Variants in FASTKD1 observed in about 807,000 individuals in gnomAD.
The protein encoded by FASTKD1 is FAST kinase domain-containing protein 1, mitochondrial.
In FASTKD1, 94 loss-of-function variants were observed where a neutral mutation model predicts 90.9. The ratio of observed to expected loss-of-function variants is 1.03; its 90% CI spans 0.88 to 1.23. The LOEUF is 1.23. Among genes scored for constraint, FASTKD1 ranks in the 50% most tolerant of loss-of-function variants. The pLI is 0.00. For missense variants in FASTKD1, 945 were observed against 993.5 expected, an observed-to-expected ratio of 0.95 and a Z score of 0.66; for synonymous variants, 319 against 345.8, an observed-to-expected ratio of 0.92 and a Z score of 0.86.
chr2:169,542,680 C>T (rs79371451), intron 9 of FASTKD1, among the ~76,000 whole-genome samples: 11,404 of 152,174 alleles, frequency 0.075, 553 homozygotes, highest in South Asian at 0.21. Flanking sequence ...GCCTGGGCAA[C>T]GTAGCAAGAC....
In FASTKD1 at chr2:169,539,603, TA is replaced by T. The variant is rs199506522; in HGVS notation, c.1945+447del. ...GGCAATACAGTGAGATCCCAGCTCT[TA>T]AAAAAAAAAAATTAGCTGGGCATGG... On this transcript the variant is annotated intron_variant, in intron 10 of 14. Coordinates refer to ENST00000453153, the MANE Select transcript of FASTKD1 (RefSeq NM_024622.6). 1.5e-3 allele frequency among the ~76,000 whole-genome samples: 215 copies of T among 146,314 alleles called. 2 individuals are homozygous for T. The highest frequency in any genetic ancestry group is 1.5e-3 in the South Asian group (7 of 4,636).
At chr2:169,554,168 G>A (rs1254909388) in intron 7 of FASTKD1, among the ~76,000 whole-genome samples, 2 of 149,884 alleles carry the variant, frequency 1.3e-5, no homozygotes, top group Non-Finnish European at 3.0e-5. Flanking sequence ...TGAGGCGGGA[G>A]GATCACTTCA....
chr2:169,557,201 T>C lies in FASTKD1; in HGVS notation c.1068A>G (p.Ser356=). 6.2e-7 allele frequency: 1 copy of C among 1,607,526 alleles called. No individual in the cohort carries two copies. The highest frequency in any genetic ancestry group is 8.5e-7 in the Non-Finnish European group (1 of 1,174,432). ...GAMGDMESRN[S]CLIKRVTSVL... ...AGAAAAGATACCTTTTAATCAGACATGAGTTTCTGCTTTCCATATCTCCCA... is the reference window on the plus strand; with the variant it reads ...AGAAAAGATACCTTTTAATCAGACACGAGTTTCTGCTTTCCATATCTCCCA... Residue 356 remains serine, a synonymous_variant, in exon 6 of 15, where the codon TCA becomes TCG. Transcript: ENST00000453153.
intron 7 of FASTKD1, among the ~76,000 whole-genome samples, chr2:169,547,481 A>G (rs1482020444): frequency 6.6e-6 from 1 of 152,214 alleles, no homozygotes; most frequent in African/African-American, 2.4e-5. Context: ...CCAGAGGCCT[A>G]ACATACCCAA....
chr2:169,549,088 C>T (rs1400367270), intron 7 of FASTKD1, among the ~76,000 whole-genome samples: 2 of 149,488 alleles, frequency 1.3e-5, no homozygotes, highest in Admixed American at 6.7e-5. Flanking sequence ...CAGAGCGAGA[C>T]TCCATCTCAA....
At chr2:169,557,892 C>T (rs1448248450) in intron 5 of FASTKD1, among the ~76,000 whole-genome samples, 3 of 152,156 alleles carry the variant, frequency 2.0e-5, no homozygotes, top group South Asian at 2.1e-4. Flanking sequence ...AAAGCAAGCT[C>T]GAAACGTGAC....
At chr2:169,560,307 C>T (rs1026439085) in intron 5 of FASTKD1, 80 bp downstream of exon 5, 4 of 1,129,048 alleles carry the variant, frequency 3.5e-6, no homozygotes, top group Non-Finnish European at 3.8e-6. Flanking sequence ...TTTGTACCTT[C>T]CAGAGCTGCA....
At position 169,546,448 on chromosome 2, in the gene FASTKD1, GTC is replaced by G; in HGVS notation, c.1469_1470del (p.Arg490ThrfsTer15). ...AGATCCAAACTGTTGCTGTGTTGTA[GTC>G]TCTGACGACCATAGTGATCTAATTT... is the stretch of plus-strand genomic sequence containing the variant. ...LQKLDHYGRQ[R>X]LQHSNSLDLL... On this transcript the variant is annotated frameshift_variant, in exon 8 of 15. Transcript: ENST00000453153. LOFTEE classifies it high-confidence loss of function. 2 of 1,614,178 alleles carry G rather than the reference GTC, an allele frequency of 1.2e-6. No individual in the cohort carries two copies. Among genetic ancestry groups the G allele is most frequent in the Non-Finnish European group, 1.7e-6 (2 of 1,180,032 alleles).
intron 7 of FASTKD1, among the ~76,000 whole-genome samples, chr2:169,548,889 T>C (rs1246188044): frequency 6.7e-6 from 1 of 149,640 alleles, no homozygotes; most frequent in Non-Finnish European, 1.5e-5. Flanking sequence ...GGTCAGGAGA[T>C]CGAGACCATT....
chr2:169,538,010 A>G lies in FASTKD1; in HGVS notation c.2074+3T>C. 6.3e-7 allele frequency: 1 copy of G among 1,588,512 alleles called. No individual in the cohort carries two copies. The highest frequency in any genetic ancestry group is 1.4e-5 in the African/African-American group (1 of 73,216). ...TGCTATCTGACTAAAAGAAAACTCAAACCTTTATTATATTGTTGACAGAAG... is the reference window on the plus strand; with the variant it reads ...TGCTATCTGACTAAAAGAAAACTCAGACCTTTATTATATTGTTGACAGAAG... On this transcript the variant is annotated splice_donor_region_variant and intron_variant, in intron 11 of 14. Transcript: ENST00000453153.
In FASTKD1 at chr2:169,560,604, A is replaced by T. The variant is rs1251782308; in HGVS notation, c.754T>A (p.Cys252Ser). ...RYRYQPLLER[C>S]NNVFLSNVDH... ...ACATTACTTAAAAATACGTTATTACATCTTTCTAATAGTGGTTGATAACGA... is the reference window on the plus strand; with the variant it reads ...ACATTACTTAAAAATACGTTATTACTTCTTTCTAATAGTGGTTGATAACGA... Residue 252 changes from cysteine (C) to serine (S), a missense_variant, in exon 5 of 15, where the codon TGT becomes AGT. Transcript: ENST00000453153. 11 of 1,610,196 alleles carry T rather than the reference A, an allele frequency of 6.8e-6. No homozygotes were observed. The highest frequency in any genetic ancestry group is 9.3e-6 in the Non-Finnish European group (11 of 1,178,672).
chr2:169,561,748 A>AAATTATTTATTAATTTATTG lies in FASTKD1; in HGVS notation c.573-964_573-963insCAATAAATTAATAAATAATT, dbSNP rs1683622238. On this transcript the variant is annotated intron_variant, in intron 4 of 14. Transcript: ENST00000453153. ...ATCTATTATAAATTAATTATTCATT[A>AAATTATTTATTAATTTATTG]TAAATTATTTATTAATTTATTGTAA... Among the ~76,000 whole-genome samples the AAATTATTTATTAATTTATTG allele has an allele frequency of 2.2e-3, 166 of 74,302 alleles. 6 individuals carry two copies. Among genetic ancestry groups the AAATTATTTATTAATTTATTG allele is most frequent in the Non-Finnish European group, 3.1e-3 (100 of 32,596 alleles). 48.7% of individuals were successfully genotyped at this position (74,302 alleles called of 152,430 possible). A position where few individuals can be genotyped will look rare whatever the true frequency, so the allele number is the denominator to read the frequency against.
intron 4 of FASTKD1, among the ~76,000 whole-genome samples, chr2:169,561,996 T>C (rs985413740): frequency 8.2e-6 from 1 of 121,574 alleles, no homozygotes. Flanking sequence ...TATTGTAAAT[T>C]AATTATTCAT....
chr2:169,536,996 T>C (rs75229737), intron 12 of FASTKD1: 10,541 of 199,912 alleles, frequency 0.053, 232 homozygotes, highest in East Asian at 0.14. Flanking sequence ...CTGACCTTAA[T>C]TTTTTTTTTT....
At chr2:169,561,685 C>A (rs1027965313) in intron 4 of FASTKD1, among the ~76,000 whole-genome samples, 1 of 146,902 alleles carries the variant, frequency 6.8e-6, no homozygotes, top group Non-Finnish European at 1.5e-5. Context: ...ATAAATTAAT[C>A]CATTATAAAT....
intron 3 of FASTKD1, among the ~76,000 whole-genome samples, chr2:169,566,254 T>C (rs558353749): frequency 6.6e-6 from 1 of 152,198 alleles, no homozygotes; most frequent in East Asian, 1.9e-4. Flanking sequence ...TAGAGAAACA[T>C]ACTGAGGTAT....
rs1574357576 is a variant in FASTKD1, at chr2:169,528,722, C to T, written c.*1103G>A. ...CTTCAAAACGACTATTTTCAAAGTA[C>T]TAATGATTTTCATGTTGCTAAATTT... On this transcript the variant is annotated 3_prime_UTR_variant, in exon 15 of 15. Coordinates refer to ENST00000453153, the MANE Select transcript of FASTKD1 (RefSeq NM_024622.6). Among the ~76,000 whole-genome samples, 1 of 152,156 alleles carries T rather than the reference C, an allele frequency of 6.6e-6. No individual in the cohort carries two copies. The highest frequency in any genetic ancestry group is 1.5e-5 in the Non-Finnish European group (1 of 68,028).
intron 12 of FASTKD1, among the ~76,000 whole-genome samples, chr2:169,531,901 A>G (rs1684508539): frequency 6.6e-6 from 1 of 152,222 alleles, no homozygotes; most frequent in African/African-American, 2.4e-5. Flanking sequence ...GAGTAACTAA[A>G]CAGTTGATAT....
rs1455729832 is a variant in FASTKD1, at chr2:169,548,413, T to A, written c.1215-1709A>T. 4.3e-5 allele frequency among the ~76,000 whole-genome samples: 5 copies of A among 116,690 alleles called. No homozygotes were observed. The East Asian group carries it at 1.2e-3, about 27-fold the overall frequency. The allele number at this position is 116,690 out of a possible 152,430, so 76.6% of individuals were successfully genotyped here. On this transcript the variant is annotated intron_variant, in intron 7 of 14. Transcript: ENST00000453153. Reference sequence around the variant, plus strand: ...GGCAAGAGTCCCACCACCAGGACAATAATTGTTAAAAAAAAAAAAAAAAAT... The same window carrying A: ...GGCAAGAGTCCCACCACCAGGACAAAAATTGTTAAAAAAAAAAAAAAAAAT...
Sources: gnomAD v4.1 joint callset for allele counts (sites outside exome capture counted in the v4.1 genomes callset) on GRCh38, gnomAD v4.1.1 for gene constraint, MANE v1.5 for transcripts, NCBI Gene and HGNC (gene_info 2026-07-23, HGNC 2026-07-21) for gene names.